AUTS2: variants seen among roughly 807,000 people sequenced by gnomAD.
AUTS2 encodes activator of transcription and developmental regulator AUTS2.
AUTS2 carries 17 observed loss-of-function variants against 112.4 expected under a neutral mutation model. The ratio of observed to expected loss-of-function variants is 0.15; its 90% CI spans 0.10 to 0.23. AUTS2 has a LOEUF of 0.23. Among genes scored for constraint, AUTS2 ranks in the 10% least tolerant of loss-of-function variants. The probability of loss-of-function intolerance (pLI) is 1.00; values close to 1 mark genes in which losing one functional copy is unlikely to be tolerated. For synonymous variants in AUTS2, 751 were observed against 702.7 expected (o/e 1.07, Z -1.09); for missense variants, 1,510 against 1,701.6 (o/e 0.89, Z 1.98).
At chr7:69,997,384 A>G (rs1212459559) in intron 2 of AUTS2, among the ~76,000 whole-genome samples, 1 of 152,164 alleles carries the variant, frequency 6.6e-6, no homozygotes, top group Non-Finnish European at 1.5e-5. Context: ...ATGAAATTAA[A>G]CTGACCATCT....
At chr7:70,153,854 T>G (rs1394257474) in intron 4 of AUTS2, among the ~76,000 whole-genome samples, 1 of 152,230 alleles carries the variant, frequency 6.6e-6, no homozygotes, top group Non-Finnish European at 1.5e-5. Context: ...ATATGTCCTG[T>G]TTTATAGAAT....
At chr7:70,350,653 G>A (rs1391237586) in intron 4 of AUTS2, among the ~76,000 whole-genome samples, 1 of 152,148 alleles carries the variant, frequency 6.6e-6, no homozygotes, top group Non-Finnish European at 1.5e-5. Context: ...TTCAAGATGA[G>A]ATTTGGGTGG....
intron 5 of AUTS2, among the ~76,000 whole-genome samples, chr7:70,697,580 A>G (rs1809195808): frequency 1.8e-5 from 2 of 113,876 alleles, no homozygotes; most frequent in African/African-American, 6.5e-5. Flanking sequence ...CATTTCCTAT[A>G]TTTCCTTTTT....
chr7:70,432,066 T>C (rs1795694485), intron 4 of AUTS2, among the ~76,000 whole-genome samples: 1 of 152,218 alleles, frequency 6.6e-6, no homozygotes, highest in Non-Finnish European at 1.5e-5. Flanking sequence ...GCTTTTAAAA[T>C]GGAGGATATA....
At position 70,789,805 on chromosome 7, in the gene AUTS2, G is replaced by A; in HGVS notation, c.2589G>A (p.Val863=). 6.2e-7 allele frequency: 1 copy of A among 1,614,156 alleles called. No individual in the cohort carries two copies. The highest frequency in any genetic ancestry group is 1.1e-5 in the South Asian group (1 of 91,080). ...CTTCACCAGCACCTGTCCTCCCGGT[G>A]AATGCCCTGGGACATACCCGCAGCT... ...SHPSPAPVLP[V]NALGHTRSST... The change falls in exon 19 of 19, where the codon GTG becomes GTA. Residue 863 remains valine, a synonymous_variant. Transcript: ENST00000342771.
chr7:69,832,917 C>G (rs1436207645), intron 1 of AUTS2, among the ~76,000 whole-genome samples: 1 of 152,166 alleles, frequency 6.6e-6, no homozygotes, highest in Non-Finnish European at 1.5e-5. Context: ...ACAGAAAATA[C>G]TAATTAGTTG....
At position 70,282,169 on chromosome 7, in the gene AUTS2, A is replaced by T. The variant is rs142488716; in HGVS notation, c.660+147598A>T. On this transcript the variant is annotated intron_variant, in intron 4 of 18. Coordinates refer to ENST00000342771, the MANE Select transcript of AUTS2 (RefSeq NM_015570.4). ...TTGTTTCAGAACATGTTTCCTATTA[A>T]AAAAAGATGACTGTAAAATCGTAGG... Among the ~76,000 whole-genome samples, 108 of 152,230 alleles carry T rather than the reference A, an allele frequency of 7.1e-4. 2 individuals carry two copies. In the East Asian group the frequency reaches 0.018, roughly 26 times the overall value.
intron 5 of AUTS2, among the ~76,000 whole-genome samples, chr7:70,591,986 T>C (rs1442277110): frequency 1.3e-5 from 2 of 152,064 alleles, no homozygotes; most frequent in Non-Finnish European, 1.5e-5. Context: ...TCTATGAAAA[T>C]AATAACAAAA....
chr7:69,650,947 G>A (rs1258985407), intron 1 of AUTS2, among the ~76,000 whole-genome samples: 4 of 152,158 alleles, frequency 2.6e-5, no homozygotes, highest in African/African-American at 7.2e-5. Context: ...TTGAGGGCCC[G>A]GATCTGCTCT....
chr7:70,784,754 A>C (rs1275722595), intron 15 of AUTS2, 188 bp from the exon 16 acceptor site: 1 of 300,826 alleles, frequency 3.3e-6, no homozygotes, highest in African/African-American at 2.3e-5. Context: ...AAAAAAAAAA[A>C]AAAAAAAAAA....
chr7:69,897,337 T>C (rs1335561840), intron 1 of AUTS2, among the ~76,000 whole-genome samples: 1 of 152,100 alleles, frequency 6.6e-6, no homozygotes, highest in African/African-American at 2.4e-5. Flanking sequence ...ACAAGAAACA[T>C]TTATTTCTCA....
chr7:70,716,994 A>ATT (rs1159029938), intron 6 of AUTS2, among the ~76,000 whole-genome samples: 6 of 71,684 alleles, frequency 8.4e-5, no homozygotes, highest in Admixed American at 3.4e-4. Flanking sequence ...CAGTGGAGTT[A>ATT]TTTTTTTTTT....
At chr7:70,346,242 C>T (rs1791491778) in intron 4 of AUTS2, among the ~76,000 whole-genome samples, 1 of 152,122 alleles carries the variant, frequency 6.6e-6, no homozygotes, top group African/African-American at 2.4e-5. Flanking sequence ...AAATCCTATC[C>T]CATGAGCCTG....
chr7:70,160,722 T>C (rs1345469975), intron 4 of AUTS2, among the ~76,000 whole-genome samples: 3 of 152,212 alleles, frequency 2.0e-5, no homozygotes, highest in Non-Finnish European at 2.9e-5. Flanking sequence ...GAAAGGGCCT[T>C]CATCAATATC....
intron 6 of AUTS2, among the ~76,000 whole-genome samples, chr7:70,744,515 G>A (rs553693694): frequency 1.5e-4 from 23 of 152,306 alleles, no homozygotes; most frequent in African/African-American, 4.8e-4. Flanking sequence ...TTGACGAGGA[G>A]GACATATAAG....
intron 4 of AUTS2, among the ~76,000 whole-genome samples, chr7:70,265,446 A>G (rs900929230): frequency 6.6e-6 from 1 of 152,200 alleles, no homozygotes; most frequent in South Asian, 2.1e-4. Flanking sequence ...ATAAGGAATT[A>G]GGGGAGCATT....
chr7:69,956,629 A>C (rs533415535), intron 2 of AUTS2, among the ~76,000 whole-genome samples: 3 of 152,220 alleles, frequency 2.0e-5, no homozygotes, highest in Non-Finnish European at 4.4e-5. Flanking sequence ...CTTAAGGAAG[A>C]GATTAAATGT....
intron 5 of AUTS2, among the ~76,000 whole-genome samples, chr7:70,491,603 G>A (rs1169129777): frequency 6.7e-6 from 1 of 148,884 alleles, no homozygotes; most frequent in African/African-American, 2.5e-5. Flanking sequence ...GTGTGTGTGT[G>A]TGTGTGTGTG....
chr7:70,650,099 A>G lies in AUTS2; in HGVS notation c.691-48470A>G, dbSNP rs369032700. Among the ~76,000 whole-genome samples, 8 of 152,300 alleles carry G rather than the reference A, an allele frequency of 5.3e-5. No individual in the cohort carries two copies. In the South Asian group the frequency reaches 1.2e-3, roughly 24 times the overall value. On this transcript the variant is annotated intron_variant, in intron 5 of 18. Transcript: ENST00000342771. ...TCCTCATGATTTCAAGATGGCCGCC[A>G]TAGTTATCAGACACTATTTCCTCAG...
Sources: allele counts gnomAD v4.1 joint callset (sites outside exome capture counted in the v4.1 genomes callset), GRCh38; gene constraint gnomAD v4.1.1; transcripts MANE v1.5; gene names NCBI Gene and HGNC (gene_info 2026-07-23, HGNC 2026-07-21).